The following ADGRB3 variants were observed in gnomAD, a reference collection of about 807,000 sequenced individuals.
ADGRB3 encodes brain-specific angiogenesis inhibitor 3.
In ADGRB3, 37 loss-of-function variants were observed where a neutral mutation model predicts 193.4. The ratio of observed to expected loss-of-function variants is 0.19; its 90% CI spans 0.15 to 0.25. The LOEUF (loss-of-function observed/expected upper bound fraction) is 0.25. Among genes scored for constraint, ADGRB3 ranks in the 10% least tolerant of loss-of-function variants. The pLI is 1.00. For missense variants in ADGRB3, 1,637 were observed against 1,852.9 expected, an observed-to-expected ratio of 0.88 and a Z score of 2.14; for synonymous variants, 690 against 644.2, an observed-to-expected ratio of 1.07 and a Z score of -1.08.
At chr6:69,075,530 T>G (rs1461954510) in intron 16 of ADGRB3, among the ~76,000 whole-genome samples, 1 of 152,134 alleles carries the variant, frequency 6.6e-6, no homozygotes, top group African/African-American at 2.4e-5. Context: ...AATGAACATC[T>G]CTTATCTCTA....
chr6:68,804,298 T>G (rs1470871868), intron 3 of ADGRB3, among the ~76,000 whole-genome samples: 1 of 152,234 alleles, frequency 6.6e-6, no homozygotes, highest in Non-Finnish European at 1.5e-5. Flanking sequence ...GAGAAAGTCA[T>G]GCTTATCCTG....
At chr6:69,347,527 A>G (rs766455103) in intron 26 of ADGRB3, among the ~76,000 whole-genome samples, 56 of 152,108 alleles carry the variant, frequency 3.7e-4, no homozygotes, top group Admixed American at 7.9e-4. Context: ...TAATCCTAGC[A>G]CTTTTTTTGG....
At chr6:68,945,426 A>T (rs931482097) in intron 6 of ADGRB3, among the ~76,000 whole-genome samples, 1 of 152,120 alleles carries the variant, frequency 6.6e-6, no homozygotes, top group African/African-American at 2.4e-5. Flanking sequence ...CTCTCTCTAT[A>T]AACACACAGG....
At chr6:68,819,740 A>G (rs1767712904) in intron 3 of ADGRB3, among the ~76,000 whole-genome samples, 1 of 152,098 alleles carries the variant, frequency 6.6e-6, no homozygotes. Context: ...TAGATAAGAA[A>G]TAGATAAAAT....
At chr6:69,072,083 T>C (rs1395648535) in intron 16 of ADGRB3, among the ~76,000 whole-genome samples, 1 of 152,192 alleles carries the variant, frequency 6.6e-6, no homozygotes, top group Non-Finnish European at 1.5e-5. Flanking sequence ...CACATTCTTA[T>C]TATTTAAGTG....
intron 20 of ADGRB3, among the ~76,000 whole-genome samples, chr6:69,248,834 T>C (rs1057233947): frequency 6.6e-6 from 1 of 152,212 alleles, no homozygotes; most frequent in Non-Finnish European, 1.5e-5. Context: ...TGATGCTTTA[T>C]GTAAAAATAA....
At chr6:69,101,478 CA>C (rs1436890629) in intron 17 of ADGRB3, among the ~76,000 whole-genome samples, 1 of 104,668 alleles carries the variant, frequency 9.6e-6, no homozygotes, top group Non-Finnish European at 2.0e-5. Context: ...GAACAGTGAG[CA>C]AAAAAGGAGA....
At chr6:69,368,252 G>T (rs1416633164) in intron 29 of ADGRB3, among the ~76,000 whole-genome samples, 1 of 152,120 alleles carries the variant, frequency 6.6e-6, no homozygotes, top group African/African-American at 2.4e-5. Context: ...AGAAGCCAGA[G>T]GTTTTAGGAG....
intron 3 of ADGRB3, among the ~76,000 whole-genome samples, chr6:68,808,325 T>C (rs1767446368): frequency 6.6e-6 from 1 of 152,266 alleles, no homozygotes; most frequent in South Asian, 2.1e-4. Context: ...GTGATTTTTC[T>C]TCTCCCTCAG....
At chr6:69,253,172 T>G (rs1766666133) in intron 20 of ADGRB3, among the ~76,000 whole-genome samples, 1 of 152,096 alleles carries the variant, frequency 6.6e-6, no homozygotes, top group Non-Finnish European at 1.5e-5. Context: ...CCATAATCTT[T>G]ACTACTATAG....
intron 17 of ADGRB3, among the ~76,000 whole-genome samples, chr6:69,112,719 A>G (rs1391732950): frequency 1.3e-5 from 2 of 152,160 alleles, no homozygotes; most frequent in Non-Finnish European, 2.9e-5. Flanking sequence ...GACTATTTAC[A>G]TAATCTTTAC....
chr6:69,216,158 G>A (rs1167493203), intron 17 of ADGRB3, among the ~76,000 whole-genome samples: 1 of 152,106 alleles, frequency 6.6e-6, no homozygotes, highest in East Asian at 1.9e-4. Context: ...CCTGAAAATA[G>A]GTAGGCACTT....
At chr6:69,090,259 C>T (rs779293606) in intron 17 of ADGRB3, among the ~76,000 whole-genome samples, 9 of 152,168 alleles carry the variant, frequency 5.9e-5, no homozygotes, top group South Asian at 2.1e-4. Flanking sequence ...ATGAGGTCAT[C>T]GCCTTCTTTA....
At chr6:69,114,317 T>C (rs1773460186) in intron 17 of ADGRB3, among the ~76,000 whole-genome samples, 1 of 152,226 alleles carries the variant, frequency 6.6e-6, no homozygotes, top group Non-Finnish European at 1.5e-5. Flanking sequence ...TTTTGAGAAG[T>C]GTTTGTTCAT....
At chr6:69,354,169 A>G in intron 26 of ADGRB3, 64 bp from the exon 27 acceptor site, 1 of 1,206,708 alleles carries the variant, frequency 8.3e-7, no homozygotes, top group Non-Finnish European at 1.2e-6. Context: ...GCTGATTGCC[A>G]AGATAGACAG....
chr6:68,690,352 C>T (rs989501909), intron 3 of ADGRB3, among the ~76,000 whole-genome samples: 1 of 151,996 alleles, frequency 6.6e-6, no homozygotes. Context: ...GGCATGGAAA[C>T]ACAGACTAAA....
intron 20 of ADGRB3, among the ~76,000 whole-genome samples, chr6:69,271,102 A>C (rs962113322): frequency 6.6e-6 from 1 of 152,200 alleles, no homozygotes; most frequent in Non-Finnish European, 1.5e-5. Context: ...TTCTGTTAAA[A>C]ATAAGAAAAG....
intron 31 of ADGRB3, 105 bp from the exon 32 acceptor site, chr6:69,388,598 C>A: frequency 8.8e-7 from 1 of 1,130,058 alleles, no homozygotes; most frequent in Non-Finnish European, 1.2e-6. Flanking sequence ...CTCTGCATCA[C>A]AGAAACTGGA....
chr6:69,113,121 A>G (rs1773418333), intron 17 of ADGRB3, among the ~76,000 whole-genome samples: 1 of 152,214 alleles, frequency 6.6e-6, no homozygotes, highest in Non-Finnish European at 1.5e-5. Context: ...GCTATTTTAT[A>G]TAAGAAACTT....
Sources: allele counts gnomAD v4.1 joint callset (sites outside exome capture counted in the v4.1 genomes callset), GRCh38; gene constraint gnomAD v4.1.1; transcripts MANE v1.5; gene names NCBI Gene and HGNC (gene_info 2026-07-23, HGNC 2026-07-21).